Variants in TMCC1 observed in about 807,000 individuals in gnomAD.
TMCC1 encodes transmembrane and coiled-coil domains protein 1.
A neutral mutation model predicts 52.4 loss-of-function variants in TMCC1; 15 were observed. That is an observed-to-expected ratio of 0.29 (90% CI 0.19 to 0.44). The LOEUF is 0.44. TMCC1 is among the 20% of genes least tolerant of loss of function. The probability of loss-of-function intolerance (pLI) is 1.00; values close to 1 mark genes in which losing one functional copy is unlikely to be tolerated. For synonymous variants in TMCC1, 279 were observed against 301.9 expected, an observed-to-expected ratio of 0.92 and a Z score of 0.79; for missense variants, 503 against 806.0, an observed-to-expected ratio of 0.62 and a Z score of 4.55.
chr3:129,784,893 C>A (rs1238477735), intron 4 of TMCC1, among the ~76,000 whole-genome samples: 2 of 151,132 alleles, frequency 1.3e-5, no homozygotes, highest in African/African-American at 4.9e-5. Flanking sequence ...CTTTAGTAAT[C>A]CCCTTCAGCC....
At chr3:129,665,371 G>T (rs72977243) in intron 5 of TMCC1, among the ~76,000 whole-genome samples, 14,745 of 152,256 alleles carry the variant, frequency 0.097, 837 homozygotes, top group African/African-American at 0.15. Flanking sequence ...TTCACTTGGA[G>T]CTACTCACTT....
At chr3:129,848,037 C>T (rs778672735) in intron 2 of TMCC1, 1 of 152,118 alleles carries the variant, frequency 6.6e-6, no homozygotes, top group Non-Finnish European at 1.5e-5. Flanking sequence ...AGTTACAATT[C>T]TTTATATCTT....
At position 129,870,715 on chromosome 3, in the gene TMCC1, TGGCGGGGGG is replaced by T. The variant is rs1439553326; in HGVS notation, c.-184+9585_-184+9593del. Among the ~76,000 whole-genome samples the T allele has an allele frequency of 6.6e-4, 3 of 4,512 alleles. 1 individual carries two copies. The highest frequency in any genetic ancestry group is 5.7e-3 in the African/African-American group (3 of 522). The allele number at this position is 4,512 out of a possible 152,430, so 3.0% of individuals were successfully genotyped here. A position where few individuals can be genotyped will look rare whatever the true frequency, so the allele number is the denominator to read the frequency against. ...GATCGTGCCACTGCACTCCGCGGGT[TGGCGGGGGG>T]GGGGGGGGGGGGGCGACAGAGCAAG... On this transcript the variant is annotated intron_variant, in intron 2 of 6. Transcript: ENST00000393238.
intron 2 of TMCC1, among the ~76,000 whole-genome samples, chr3:129,835,207 G>A (rs1024878528): frequency 6.6e-6 from 1 of 151,842 alleles, no homozygotes; most frequent in South Asian, 2.1e-4. Context: ...TTTTCCTAAG[G>A]TCCTTAGTGA....
At chr3:129,798,589 A>T (rs2056999863) in intron 4 of TMCC1, among the ~76,000 whole-genome samples, 1 of 151,804 alleles carries the variant, frequency 6.6e-6, no homozygotes, top group Non-Finnish European at 1.5e-5. Context: ...AGTGAAACTT[A>T]ATTTCCCTCA....
intron 2 of TMCC1, among the ~76,000 whole-genome samples, chr3:129,833,917 G>C (rs2059036900): frequency 6.6e-6 from 1 of 152,116 alleles, no homozygotes; most frequent in South Asian, 2.1e-4. Flanking sequence ...AATTAGACAA[G>C]TATTTTTGAG....
chr3:129,796,030 T>G (rs1462033096), intron 4 of TMCC1, among the ~76,000 whole-genome samples: 1 of 152,232 alleles, frequency 6.6e-6, no homozygotes, highest in African/African-American at 2.4e-5. Context: ...ATCACAGATA[T>G]GTGTATAGGA....
At chr3:129,842,396 G>A in intron 2 of TMCC1, among the ~76,000 whole-genome samples, 1 of 151,984 alleles carries the variant, frequency 6.6e-6, no homozygotes, top group East Asian at 1.9e-4. Flanking sequence ...AACTTGGGAG[G>A]TAGAAGTTGC....
intron 4 of TMCC1, among the ~76,000 whole-genome samples, chr3:129,699,233 G>A (rs570171155): frequency 1.3e-5 from 2 of 152,268 alleles, no homozygotes; most frequent in African/African-American, 4.8e-5. Flanking sequence ...GGATGAGATA[G>A]GAGGTCAGAA....
chr3:129,777,011 G>A lies in TMCC1; in HGVS notation c.576+50792C>T, dbSNP rs536431123. On this transcript the variant is annotated intron_variant, in intron 4 of 6. Transcript: ENST00000393238. ...CAATCGAGTCAGGTATACATTCAAC[G>A]AACGTATTGTTTGCCATGTACCAGG... 5.9e-5 allele frequency among the ~76,000 whole-genome samples: 9 copies of A among 152,230 alleles called. No homozygotes were observed. In the East Asian group the frequency reaches 1.4e-3, roughly 23 times the overall value.
chr3:129,734,514 C>CATGTTTGTAGTGACCCCAT (rs2050789927), intron 4 of TMCC1, among the ~76,000 whole-genome samples: 1 of 151,980 alleles, frequency 6.6e-6, no homozygotes, highest in African/African-American at 2.4e-5. Context: ...GGAGAAACCC[C>CATGTTTGTAGTGACCCCAT]GTCACTACAA....
intron 4 of TMCC1, among the ~76,000 whole-genome samples, chr3:129,752,011 A>G (rs1306468322): frequency 6.6e-6 from 1 of 152,174 alleles, no homozygotes; most frequent in African/African-American, 2.4e-5. Context: ...GGGTTAGAAG[A>G]TATTTATTTA....
chr3:129,704,572 C>T lies in TMCC1; in HGVS notation c.577-33308G>A, dbSNP rs145051190. On this transcript the variant is annotated intron_variant, in intron 4 of 6. Coordinates refer to ENST00000393238, the MANE Select transcript of TMCC1 (RefSeq NM_001017395.5). ...TAGCTGGGATTACAGGCACATGCCACGACGCCCGGCTAATTTTTGTATTTT... is the reference window on the plus strand; with the variant it reads ...TAGCTGGGATTACAGGCACATGCCATGACGCCCGGCTAATTTTTGTATTTT... 4.0e-3 allele frequency among the ~76,000 whole-genome samples: 602 copies of T among 152,250 alleles called. 5 individuals are homozygous for T. The highest frequency in any genetic ancestry group is 0.014 in the African/African-American group (566 of 41,554).
intron 4 of TMCC1, among the ~76,000 whole-genome samples, chr3:129,773,975 T>C (rs1430929805): frequency 6.6e-6 from 1 of 152,208 alleles, no homozygotes; most frequent in Non-Finnish European, 1.5e-5. Flanking sequence ...TATTATATTG[T>C]ATACCTTAAA....
At chr3:129,664,600 T>C (rs1471682779) in intron 5 of TMCC1, among the ~76,000 whole-genome samples, 1 of 152,164 alleles carries the variant, frequency 6.6e-6, no homozygotes, top group Non-Finnish European at 1.5e-5. Flanking sequence ...GCATTAATGC[T>C]CATCAACACC....
intron 4 of TMCC1, among the ~76,000 whole-genome samples, chr3:129,770,131 C>T (rs1043543761): frequency 3.9e-5 from 6 of 152,172 alleles, no homozygotes; most frequent in Non-Finnish European, 8.8e-5. Flanking sequence ...AGGTTGATAA[C>T]TATCTGGGGC....
intron 4 of TMCC1, among the ~76,000 whole-genome samples, chr3:129,761,094 G>A (rs1476437825): frequency 6.6e-6 from 1 of 151,874 alleles, no homozygotes; most frequent in Non-Finnish European, 1.5e-5. Context: ...GGGAGGTCGA[G>A]GCGGGCGGAT....
At chr3:129,686,919 G>T (rs2089448674) in intron 4 of TMCC1, among the ~76,000 whole-genome samples, 2 of 152,168 alleles carry the variant, frequency 1.3e-5, no homozygotes, top group Non-Finnish European at 1.5e-5. Flanking sequence ...TCATAATTGA[G>T]ATGAAAACAG....
chr3:129,828,395 CT>C lies in TMCC1; in HGVS notation c.-18del. ...AGGCTCCATCAGTAGACTTAATATG[CT>C]TATTTGCAAACTCAAAAAAATTTTT... On this transcript the variant is annotated 5_prime_UTR_variant, in exon 4 of 7. Coordinates refer to ENST00000393238, the MANE Select transcript of TMCC1 (RefSeq NM_001017395.5). The surrounding 1 kb of genome is among the most constrained non-coding windows in gnomAD (Gnocchi z 4.1). The C allele has an allele frequency of 6.3e-7, 1 of 1,598,440 alleles. No homozygotes were observed. Among genetic ancestry groups the C allele is most frequent in the Non-Finnish European group, 8.5e-7 (1 of 1,172,314 alleles).
Sources: gnomAD v4.1 joint callset for allele counts (sites outside exome capture counted in the v4.1 genomes callset) on GRCh38, gnomAD v4.1.1 for gene constraint, Gnocchi (gnomAD v3.1) non-coding constraint, MANE v1.5 for transcripts, NCBI Gene and HGNC (gene_info 2026-07-23, HGNC 2026-07-21) for gene names.